The following NXPE3 variants were observed in gnomAD, a reference collection of about 807,000 sequenced individuals.
NXPE3 encodes neurexophilin and PC-esterase domain family member 3.
A neutral mutation model predicts 46.1 loss-of-function variants in NXPE3; 26 were observed. That is an observed-to-expected ratio of 0.56 (90% CI 0.41 to 0.78). NXPE3 has a LOEUF of 0.78. Among genes scored for constraint, NXPE3 ranks in the 30% least tolerant of loss-of-function variants. The pLI is 0.00. For missense variants in NXPE3, 620 were observed against 686.0 expected (o/e 0.90, Z 1.07); for synonymous variants, 272 against 257.9 (o/e 1.05, Z -0.52).
At chr3:101,790,623 T>C (rs1940455857) in intron 4 of NXPE3, among the ~76,000 whole-genome samples, 1 of 152,128 alleles carries the variant, frequency 6.6e-6, no homozygotes, top group South Asian at 2.1e-4. Flanking sequence ...GACAGGGTCA[T>C]GCTCTGTAGC....
intron 4 of NXPE3, among the ~76,000 whole-genome samples, chr3:101,795,695 G>A (rs1940793907): frequency 6.6e-6 from 1 of 152,026 alleles, no homozygotes; most frequent in South Asian, 2.1e-4. Context: ...TATAACACCT[G>A]TGTATTAGGG....
chr3:101,800,910 C>T (rs979371749), intron 4 of NXPE3, among the ~76,000 whole-genome samples: 11 of 152,014 alleles, frequency 7.2e-5, no homozygotes, highest in South Asian at 6.2e-4. Context: ...CTGGGTGGCT[C>T]GAGTGGGCTG....
chr3:101,793,031 G>T (rs1399060353), intron 4 of NXPE3, among the ~76,000 whole-genome samples: 1 of 152,140 alleles, frequency 6.6e-6, no homozygotes, highest in Non-Finnish European at 1.5e-5. Flanking sequence ...TGGCAACTGT[G>T]AATGGGATTG....
rs768442824 is a variant in NXPE3 at position 101,807,059 on chromosome 3, C to G, written c.855C>G (p.Val285=). Residue 285 remains valine (V), a synonymous_variant, in exon 6 of 8, where the codon GTC becomes GTG. Coordinates refer to ENST00000273347, the MANE Select transcript of NXPE3 (RefSeq NM_145037.4). ...AAESAFFQSG[V]NIKMPVNSSG... Reference sequence around the variant, plus strand: ...TTTTTTATTCCTCTTAAAGTGGTGTCAATATCAAAATGCCAGTCAACTCCA... The same window carrying G: ...TTTTTTATTCCTCTTAAAGTGGTGTGAATATCAAAATGCCAGTCAACTCCA... 32 of 1,610,338 alleles carry G rather than the reference C, an allele frequency of 2.0e-5. 1 individual carries two copies. The highest frequency in any genetic ancestry group is 5.0e-5 in the Admixed American group (3 of 59,974).
chr3:101,791,730 T>G (rs1209751358), intron 4 of NXPE3, among the ~76,000 whole-genome samples: 1 of 152,190 alleles, frequency 6.6e-6, no homozygotes, highest in African/African-American at 2.4e-5. Flanking sequence ...TCTGCTGTTG[T>G]GAATAGTGCT....
chr3:101,780,799 C>T (rs1013159892), intron 1 of NXPE3, among the ~76,000 whole-genome samples: 20 of 152,206 alleles, frequency 1.3e-4, no homozygotes, highest in African/African-American at 4.6e-4. Flanking sequence ...TCCATGAATA[C>T]ATGGGGCCCT....
chr3:101,821,430 C>T lies in NXPE3; in HGVS notation c.1156C>T (p.Pro386Ser). The change falls in exon 8 of 8, where the codon CCC becomes TCC. Residue 386 changes from proline (P) to serine (S), a missense_variant. Physicochemically the swap from Pro to Ser is moderately conservative, Grantham distance 74. Transcript: ENST00000273347. ...TTTAGTGGAGTTTAACTTGGGTAGT[C>T]CCAAGAATGTGGGTCCCTTCCTTGC... ...PDLVEFNLGS[P>S]KNVGPFLAVD... 6.2e-7 allele frequency: 1 copy of T among 1,613,912 alleles called. No homozygotes were observed. The highest frequency in any genetic ancestry group is 8.5e-7 in the Non-Finnish European group (1 of 1,179,904).
At chr3:101,790,166 T>C (rs1383277099) in intron 4 of NXPE3, among the ~76,000 whole-genome samples, 1 of 152,224 alleles carries the variant, frequency 6.6e-6, no homozygotes, top group Non-Finnish European at 1.5e-5. Flanking sequence ...TTTTGGTATA[T>C]ATTCTATGTG....
intron 6 of NXPE3, among the ~76,000 whole-genome samples, chr3:101,814,489 G>T (rs552860547): frequency 2.2e-4 from 33 of 152,310 alleles, no homozygotes; most frequent in Middle Eastern, 3.4e-3. Flanking sequence ...AAGAAAAAAA[G>T]ATTAGATATG....
chr3:101,804,945 T>G (rs1011599762), intron 5 of NXPE3, among the ~76,000 whole-genome samples: 1 of 152,242 alleles, frequency 6.6e-6, no homozygotes, highest in Non-Finnish European at 1.5e-5. Context: ...TTTCTAACTT[T>G]GTGTTTAAAA....
At chr3:101,813,467 C>A (rs1941817626) in intron 6 of NXPE3, among the ~76,000 whole-genome samples, 1 of 152,086 alleles carries the variant, frequency 6.6e-6, no homozygotes, top group South Asian at 2.1e-4. Flanking sequence ...CATCTTTGGC[C>A]CAGACAGCCC....
At chr3:101,813,046 G>A (rs1941795896) in intron 6 of NXPE3, among the ~76,000 whole-genome samples, 1 of 152,068 alleles carries the variant, frequency 6.6e-6, no homozygotes, top group Non-Finnish European at 1.5e-5. Context: ...TACAATTACT[G>A]TGTAGCTGGG....
rs76669779 is a variant in NXPE3, at chr3:101,795,641, A to AT, written c.94-5586dup. ...TAAACTCTCATTGAGCAAGTTCTGT[A>AT]TTTTTTTTCTTTTGCCTTATTCATT... On this transcript the variant is annotated intron_variant, in intron 4 of 7. Coordinates refer to ENST00000273347, the MANE Select transcript of NXPE3 (RefSeq NM_145037.4). Among the ~76,000 whole-genome samples, 115 of 151,692 alleles carry AT rather than the reference A, an allele frequency of 7.6e-4. 2 individuals are homozygous for AT. The East Asian group carries it at 0.021, about 28-fold the overall frequency.
intron 2 of NXPE3, among the ~76,000 whole-genome samples, 176 bp from the exon 3 acceptor site, chr3:101,782,484 A>G (rs533022471): frequency 6.6e-6 from 1 of 151,980 alleles, no homozygotes; most frequent in Non-Finnish European, 1.5e-5. Flanking sequence ...TTTTTACACT[A>G]CAATTACCTC....
intron 4 of NXPE3, 49 bp downstream of exon 4, chr3:101,785,738 A>G (rs1470275571): frequency 6.7e-7 from 1 of 1,484,370 alleles, no homozygotes; most frequent in Admixed American, 1.7e-5. Context: ...GAGTCTGGGG[A>G]TCTGGGGCTA....
chr3:101,785,728 G>T, intron 4 of NXPE3, 39 bp downstream of exon 4: 1 of 1,535,102 alleles, frequency 6.5e-7, no homozygotes, highest in Middle Eastern at 1.8e-4. Context: ...TAAGGGAGCC[G>T]AGTCTGGGGA....
intron 6 of NXPE3, among the ~76,000 whole-genome samples, chr3:101,812,974 G>C (rs986405925): frequency 1.3e-5 from 2 of 151,988 alleles, no homozygotes; most frequent in African/African-American, 4.8e-5. Flanking sequence ...ATATAGGAAA[G>C]AAAATTAAAT....
intron 1 of NXPE3, 118 bp downstream of exon 1, chr3:101,779,442 A>G (rs1412032900): frequency 6.6e-6 from 1 of 152,462 alleles, no homozygotes; most frequent in African/African-American, 2.4e-5. Flanking sequence ...CTCCGCGCGC[A>G]TCTGCTCCCG....
At chr3:101,795,738 G>A (rs1259322830) in intron 4 of NXPE3, among the ~76,000 whole-genome samples, 2 of 152,100 alleles carry the variant, frequency 1.3e-5, no homozygotes, top group Non-Finnish European at 2.9e-5. Context: ...CCCAATTCAA[G>A]CTAATGGTAA....
Sources: allele counts gnomAD v4.1 joint callset (sites outside exome capture counted in the v4.1 genomes callset), GRCh38; gene constraint gnomAD v4.1.1; transcripts MANE v1.5; gene names NCBI Gene and HGNC (gene_info 2026-07-23, HGNC 2026-07-21).